Variants in SPOP observed in about 807,000 individuals in gnomAD.
The protein encoded by SPOP is speckle-type POZ protein.
A neutral mutation model predicts 45.6 loss-of-function variants in SPOP; 11 were observed. The observed-to-expected ratio is 0.24, with a 90% CI of 0.15 to 0.40. SPOP has a LOEUF of 0.40. Among genes scored for constraint, SPOP ranks in the 10% least tolerant of loss-of-function variants. SPOP has a pLI of 1.00. For missense variants in SPOP, 152 were observed against 465.6 expected (o/e 0.33, Z 6.20); for synonymous variants, 166 against 166.3 (o/e 1.00, Z 0.01).
At chr17:49,653,278 C>T (rs1030512385) in intron 1 of SPOP, among the ~76,000 whole-genome samples, 7 of 151,970 alleles carry the variant, frequency 4.6e-5, no homozygotes, top group African/African-American at 1.5e-4. Context: ...TCAAAAGTTA[C>T]AGGAAGCTAC....
intron 8 of SPOP, among the ~76,000 whole-genome samples, chr17:49,603,124 T>C (rs2071770567): frequency 1.3e-5 from 2 of 152,206 alleles, no homozygotes; most frequent in South Asian, 4.1e-4. Flanking sequence ...ATTTAATTGT[T>C]ATGAATTCTG....
intron 1 of SPOP, among the ~76,000 whole-genome samples, chr17:49,661,621 C>T (rs982698479): frequency 1.3e-5 from 2 of 152,208 alleles, no homozygotes; most frequent in Non-Finnish European, 2.9e-5. Flanking sequence ...GAACATACCC[C>T]TCCCTGTCTT....
Position 49,601,956 on chromosome 17 carries a change from G to A in SPOP, c.889C>T (p.Leu297=), listed in dbSNP as rs1460928181. Residue 297 remains leucine, a synonymous_variant, in exon 9 of 10, where the codon CTG becomes TTG. Coordinates refer to ENST00000504102, the MANE Select transcript of SPOP (RefSeq NM_001007228.2). ...ATTTCTGCAGCGTTCTCCACGGACA[G>A]GTTACTGCAGAGGGCATCCTCACAC... ...VMCEDALCSN[L]SVENAAEILI... The A allele has an allele frequency of 6.2e-7, 1 of 1,614,196 alleles. No homozygotes were observed. Among genetic ancestry groups the A allele is most frequent in the Non-Finnish European group, 8.5e-7 (1 of 1,180,004 alleles).
chr17:49,661,554 C>T (rs540004836), intron 1 of SPOP, among the ~76,000 whole-genome samples: 1 of 152,308 alleles, frequency 6.6e-6, no homozygotes, highest in Admixed American at 6.5e-5. Flanking sequence ...CCCCAAAGAA[C>T]TCTTCCTCTT....
chr17:49,650,383 C>T (rs2072826752), intron 1 of SPOP, among the ~76,000 whole-genome samples: 1 of 151,784 alleles, frequency 6.6e-6, no homozygotes, highest in South Asian at 2.1e-4. Context: ...AGTTTGAGAC[C>T]AGCCTAGCCA....
At position 49,645,359 on chromosome 17, in the gene SPOP, ATT is replaced by A. The variant is rs1166558769; in HGVS notation, c.-66-22485_-66-22484del. ...CTGTCACCCAGGCTGGAGTACAGTG[ATT>A]CGATCTCTGCTCACTGCAACCTCTG... On this transcript the variant is annotated intron_variant, in intron 1 of 9. Transcript: ENST00000504102. Among the ~76,000 whole-genome samples the A allele has an allele frequency of 1.1e-3, 171 of 151,228 alleles. 2 individuals are homozygous for A. Among genetic ancestry groups the A allele is most frequent in the African/African-American group, 3.8e-3 (158 of 41,178 alleles).
chr17:49,669,763 CAAAAAAA>C (rs3034924), intron 1 of SPOP, among the ~76,000 whole-genome samples: 4 of 103,272 alleles, frequency 3.9e-5, no homozygotes, highest in African/African-American at 1.6e-4. Context: ...GACTCTGCCT[CAAAAAAA>C]AAAAAAAAAA....
intron 8 of SPOP, among the ~76,000 whole-genome samples, chr17:49,605,549 G>C (rs1388284746): frequency 6.6e-6 from 1 of 151,900 alleles, no homozygotes. Flanking sequence ...AATTAGCTGG[G>C]TGTGGTGGTG....
intron 1 of SPOP, among the ~76,000 whole-genome samples, chr17:49,646,808 G>T (rs1298594303): frequency 1.3e-5 from 2 of 152,080 alleles, no homozygotes; most frequent in African/African-American, 4.8e-5. Context: ...GCTATTAATG[G>T]GCTTGAGTTT....
chr17:49,654,649 G>A (rs780116536), intron 1 of SPOP, among the ~76,000 whole-genome samples: 3 of 152,164 alleles, frequency 2.0e-5, no homozygotes, highest in African/African-American at 7.2e-5. Context: ...GCCGGGCGTG[G>A]TGGTACATGC....
intron 3 of SPOP, among the ~76,000 whole-genome samples, chr17:49,620,928 G>C (rs1295795220): frequency 2.6e-5 from 4 of 152,108 alleles, no homozygotes; most frequent in African/African-American, 7.2e-5. Flanking sequence ...CAATGTCTAA[G>C]AATAAACATC....
intron 1 of SPOP, among the ~76,000 whole-genome samples, chr17:49,659,674 G>A (rs536564564): frequency 1.3e-5 from 2 of 152,294 alleles, no homozygotes; most frequent in South Asian, 2.1e-4. Flanking sequence ...TCAACAAGCG[G>A]ATGATATAAA....
Position 49,632,153 on chromosome 17 carries a change from A to C in SPOP, c.-66-9277T>G, listed in dbSNP as rs1179837926. Among the ~76,000 whole-genome samples, 12 of 152,238 alleles carry C rather than the reference A, an allele frequency of 7.9e-5. 1 individual carries two copies. The highest frequency in any genetic ancestry group is 7.9e-4 in the Admixed American group (12 of 15,278). On this transcript the variant is annotated intron_variant, in intron 1 of 9. Coordinates refer to ENST00000504102, the MANE Select transcript of SPOP (RefSeq NM_001007228.2). ...TAATGAGTTCTAGTTAATAAATTAA[A>C]GTTTAGGAGTTGTTGAATGAATGTA...
At chr17:49,657,463 A>T (rs2072928438) in intron 1 of SPOP, among the ~76,000 whole-genome samples, 1 of 152,040 alleles carries the variant, frequency 6.6e-6, no homozygotes, top group East Asian at 2.0e-4. Flanking sequence ...CAATGGCGTG[A>T]TCTCGGCTCA....
intron 5 of SPOP, among the ~76,000 whole-genome samples, chr17:49,616,022 C>T (rs1357478957): frequency 1.3e-5 from 2 of 152,124 alleles, no homozygotes; most frequent in Non-Finnish European, 2.9e-5. Flanking sequence ...GAAGAACTGC[C>T]ACATTTCCTA....
At chr17:49,621,921 T>C (rs753497853) in intron 3 of SPOP, 25 bp downstream of exon 3, 4 of 1,608,526 alleles carry the variant, frequency 2.5e-6, no homozygotes, top group Non-Finnish European at 2.5e-6. Flanking sequence ...GAAAAATTTT[T>C]ACAGTTAGAC....
chr17:49,641,263 C>CCA (rs1471499104), intron 1 of SPOP, among the ~76,000 whole-genome samples: 22 of 47,564 alleles, frequency 4.6e-4, no homozygotes, highest in African/African-American at 1.7e-3. Context: ...ACTCTGTCTC[C>CCA]AAAAAAAAAA....
intron 1 of SPOP, among the ~76,000 whole-genome samples, chr17:49,628,248 T>C (rs1186395216): frequency 1.3e-5 from 2 of 152,236 alleles, no homozygotes; most frequent in African/African-American, 2.4e-5. Flanking sequence ...GCTGAACATA[T>C]ACCACCATTT....
chr17:49,617,877 T>C (rs972112187), intron 5 of SPOP, among the ~76,000 whole-genome samples: 3 of 150,200 alleles, frequency 2.0e-5, no homozygotes, highest in African/African-American at 4.9e-5. Flanking sequence ...TGAGCCAAGG[T>C]TGCGCCACTG....
Sources: allele counts gnomAD v4.1 joint callset (sites outside exome capture counted in the v4.1 genomes callset), GRCh38; gene constraint gnomAD v4.1.1; transcripts MANE v1.5; gene names NCBI Gene and HGNC (gene_info 2026-07-23, HGNC 2026-07-21).